Variants in PLXDC2 observed in about 807,000 individuals in gnomAD.
PLXDC2 encodes plexin domain-containing protein 2.
PLXDC2 carries 40 observed loss-of-function variants against 68.9 expected under a neutral mutation model. The observed-to-expected ratio is 0.58, with a 90% CI of 0.45 to 0.76. The LOEUF is 0.76. Ranked by LOEUF, PLXDC2 falls within the 30% of genes least tolerant of loss-of-function variation. The probability of loss-of-function intolerance (pLI) is 0.00; values close to 1 mark genes in which losing one functional copy is unlikely to be tolerated. For synonymous variants in PLXDC2, 243 were observed against 234.2 expected, an observed-to-expected ratio of 1.04 and a Z score of -0.34; for missense variants, 644 against 661.9, an observed-to-expected ratio of 0.97 and a Z score of 0.30.
intron 2 of PLXDC2, among the ~76,000 whole-genome samples, chr10:20,021,009 C>G (rs1202253549): frequency 6.6e-6 from 1 of 152,134 alleles, no homozygotes; most frequent in South Asian, 2.1e-4. Flanking sequence ...GAATAGCAAA[C>G]AACTGGTCAC....
chr10:20,158,476 GT>G (rs1834245639), intron 6 of PLXDC2, among the ~76,000 whole-genome samples: 1 of 138,692 alleles, frequency 7.2e-6, no homozygotes, highest in Non-Finnish European at 1.5e-5. Context: ...TACAGCCTGG[GT>G]AACATAATGA....
Position 20,001,127 on chromosome 10 carries a change from C to T in PLXDC2, c.113-648C>T, listed in dbSNP as rs565689963. Among the ~76,000 whole-genome samples, 62 of 152,274 alleles carry T rather than the reference C, an allele frequency of 4.1e-4. 1 individual carries two copies. Among genetic ancestry groups the T allele is most frequent in the African/African-American group, 1.1e-3 (47 of 41,566 alleles). ...ATCACTGTCATCCTTTAGACCCTGACGAGATTTCAAGGTGAGAACGGCACA... is the reference window on the plus strand; with the variant it reads ...ATCACTGTCATCCTTTAGACCCTGATGAGATTTCAAGGTGAGAACGGCACA... On this transcript the variant is annotated intron_variant, in intron 1 of 13. Transcript: ENST00000377252.
intron 1 of PLXDC2, among the ~76,000 whole-genome samples, chr10:19,856,056 C>G (rs1837206129): frequency 6.6e-6 from 1 of 152,082 alleles, no homozygotes; most frequent in Non-Finnish European, 1.5e-5. Flanking sequence ...GATCGTGCCA[C>G]TGCACTCCAG....
chr10:20,121,699 G>A (rs1410572121), intron 4 of PLXDC2, among the ~76,000 whole-genome samples: 1 of 152,154 alleles, frequency 6.6e-6, no homozygotes, highest in Non-Finnish European at 1.5e-5. Flanking sequence ...GGATAGGAGA[G>A]TGTATGGGTT....
In PLXDC2 at chr10:20,177,070, G is replaced by A; in HGVS notation, c.955G>A (p.Ala319Thr). The change falls in exon 8 of 14, where the codon GCT (alanine) becomes ACT (threonine). Residue 319 changes from alanine (A) to threonine (T), a missense_variant. Around this residue, in one of 3 missense-constraint regions of PLXDC2, gnomAD observed 330 missense variants for 327.9 expected, o/e 1.01. Transcript: ENST00000377252. ...LQMSKITNIS[A>T]VEMTPLPTCL... ...AATGTCAAAAATTACCAACATTTCG[G>A]CTGTGGAGATGACCCCATTACCCAG... is the stretch of plus-strand genomic sequence containing the variant. 6 of 1,610,704 alleles carry A rather than the reference G, an allele frequency of 3.7e-6. No individual in the cohort carries two copies. Among genetic ancestry groups the A allele is most frequent in the Non-Finnish European group, 4.2e-6 (5 of 1,177,916 alleles).
At chr10:20,236,135 T>G (rs1253226799) in intron 12 of PLXDC2, among the ~76,000 whole-genome samples, 3 of 152,152 alleles carry the variant, frequency 2.0e-5, no homozygotes, top group Non-Finnish European at 4.4e-5. Flanking sequence ...ACACATTTTA[T>G]TTTTATTTTT....
intron 12 of PLXDC2, among the ~76,000 whole-genome samples, chr10:20,227,704 G>A (rs867600731): frequency 6.6e-5 from 10 of 152,088 alleles, no homozygotes; most frequent in African/African-American, 2.4e-4. Flanking sequence ...CTTGGGAACC[G>A]TTTGTGTCAT....
At chr10:19,920,475 C>T (rs1366114521) in intron 1 of PLXDC2, among the ~76,000 whole-genome samples, 1 of 152,190 alleles carries the variant, frequency 6.6e-6, no homozygotes, top group East Asian at 1.9e-4. Context: ...GGCTGGATGT[C>T]AAGAGGAATG....
At chr10:19,837,381 TAAGTGA>T (rs1341964991) in intron 1 of PLXDC2, among the ~76,000 whole-genome samples, 21 of 119,490 alleles carry the variant, frequency 1.8e-4, no homozygotes, top group Admixed American at 5.3e-4. Context: ...TCTCATTGAG[TAAGTGA>T]GAGAGAGAGA....
At chr10:20,270,812 G>C (rs531695618) in intron 13 of PLXDC2, among the ~76,000 whole-genome samples, 2 of 152,124 alleles carry the variant, frequency 1.3e-5, no homozygotes, top group South Asian at 2.1e-4. Context: ...GTGAGCCATC[G>C]TGCCCTGCCG....
chr10:20,272,555 T>G (rs558333980), intron 13 of PLXDC2, among the ~76,000 whole-genome samples: 14 of 152,302 alleles, frequency 9.2e-5, no homozygotes, highest in African/African-American at 3.4e-4. Context: ...AACACACTTA[T>G]TGTGAATCTC....
chr10:20,246,596 C>T (rs1835599072), intron 13 of PLXDC2, among the ~76,000 whole-genome samples: 2 of 152,210 alleles, frequency 1.3e-5, no homozygotes, highest in Non-Finnish European at 2.9e-5. Flanking sequence ...GTGATCCTCC[C>T]GCCTTGGCCT....
intron 1 of PLXDC2, among the ~76,000 whole-genome samples, chr10:19,867,900 T>G (rs2131340295): frequency 6.6e-6 from 1 of 152,316 alleles, no homozygotes. Flanking sequence ...TGGTTATTTG[T>G]TGTCAACATT....
chr10:19,871,740 G>A (rs781716487), intron 1 of PLXDC2, among the ~76,000 whole-genome samples: 13 of 151,870 alleles, frequency 8.6e-5, no homozygotes, highest in South Asian at 2.1e-4. Flanking sequence ...CAAAAAATCC[G>A]CCTGGTGTGG....
intron 3 of PLXDC2, among the ~76,000 whole-genome samples, chr10:20,048,407 C>T (rs773975185): frequency 3.3e-5 from 5 of 151,994 alleles, no homozygotes; most frequent in Middle Eastern, 3.4e-3. Context: ...TCAGGCAACC[C>T]CAGGTAGGCA....
At chr10:19,978,740 G>A (rs1228761748) in intron 1 of PLXDC2, among the ~76,000 whole-genome samples, 1 of 152,152 alleles carries the variant, frequency 6.6e-6, no homozygotes, top group Non-Finnish European at 1.5e-5. Flanking sequence ...ATAATTCCAC[G>A]TAAAACTCAG....
At chr10:19,912,722 C>T (rs1326526340) in intron 1 of PLXDC2, among the ~76,000 whole-genome samples, 2 of 152,024 alleles carry the variant, frequency 1.3e-5, no homozygotes, top group Non-Finnish European at 1.5e-5. Flanking sequence ...GAAGTTAGTA[C>T]TATATAAAGC....
chr10:20,121,566 A>G (rs1833698041), intron 4 of PLXDC2, among the ~76,000 whole-genome samples: 1 of 152,190 alleles, frequency 6.6e-6, no homozygotes, highest in Admixed American at 6.5e-5. Flanking sequence ...GCTGAGCCTG[A>G]TGGGTGTCAG....
At chr10:19,909,921 C>G (rs758723126) in intron 1 of PLXDC2, among the ~76,000 whole-genome samples, 7 of 152,216 alleles carry the variant, frequency 4.6e-5, no homozygotes, top group Non-Finnish European at 8.8e-5. Context: ...AGGATGTCAT[C>G]TTTAGTGCTG....
Sources: allele counts gnomAD v4.1 joint callset (sites outside exome capture counted in the v4.1 genomes callset), GRCh38; gene constraint gnomAD v4.1.1; regional missense constraint gnomAD v4.1.1; transcripts MANE v1.5; gene names NCBI Gene and HGNC (gene_info 2026-07-23, HGNC 2026-07-21).